The following MGAT4C variants were observed in gnomAD, a reference collection of about 807,000 sequenced individuals.
The protein encoded by MGAT4C is MGAT4 family member C, also known as alpha-1,3-mannosyl-glycoprotein 4-beta-N-acetylglucosaminyltransferase C.
A neutral mutation model predicts 40.1 loss-of-function variants in MGAT4C; 19 were observed. That is an observed-to-expected ratio of 0.47 (90% CI 0.33 to 0.70). The LOEUF is 0.70. Among genes scored for constraint, MGAT4C ranks in the 30% least tolerant of loss-of-function variants. MGAT4C has a pLI of 0.02. For synonymous variants in MGAT4C, 181 were observed against 187.1 expected (o/e 0.97, Z 0.27); for missense variants, 491 against 563.2 (o/e 0.87, Z 1.30).
At chr12:86,434,018 T>C (rs956441192) in intron 3 of MGAT4C, among the ~76,000 whole-genome samples, 24 of 152,196 alleles carry the variant, frequency 1.6e-4, no homozygotes, top group African/African-American at 4.6e-4. Flanking sequence ...TGAATTTTTA[T>C]TGGCAACTTA....
At chr12:86,177,350 C>T (rs531603347) in intron 1 of MGAT4C, among the ~76,000 whole-genome samples, 3 of 152,092 alleles carry the variant, frequency 2.0e-5, no homozygotes, top group Admixed American at 2.0e-4. Context: ...GATGTGTTTT[C>T]ACTATCTTTA....
intron 2 of MGAT4C, among the ~76,000 whole-genome samples, chr12:86,581,996 T>C (rs1262201620): frequency 6.6e-6 from 1 of 151,476 alleles, no homozygotes; most frequent in Non-Finnish European, 1.5e-5. Flanking sequence ...TGGGATATTC[T>C]GGTGTAAGTA....
intron 1 of MGAT4C, among the ~76,000 whole-genome samples, chr12:86,067,418 G>A (rs1016089731): frequency 6.6e-6 from 1 of 152,092 alleles, no homozygotes; most frequent in Non-Finnish European, 1.5e-5. Context: ...GGACATGGAT[G>A]AAGCTGGAAA....
intron 1 of MGAT4C, among the ~76,000 whole-genome samples, chr12:86,212,191 T>C (rs1041960833): frequency 1.3e-5 from 2 of 152,142 alleles, no homozygotes; most frequent in Non-Finnish European, 2.9e-5. Flanking sequence ...TTCAAATCAG[T>C]ATAGGTTTTT....
At chr12:86,633,843 A>G (rs1216772762) in intron 2 of MGAT4C, among the ~76,000 whole-genome samples, 3 of 152,042 alleles carry the variant, frequency 2.0e-5, no homozygotes, top group Non-Finnish European at 4.4e-5. Flanking sequence ...ATGAAATGAG[A>G]TTCTTAGATC....
At chr12:86,486,189 A>T (rs547290949) in intron 2 of MGAT4C, among the ~76,000 whole-genome samples, 1 of 152,192 alleles carries the variant, frequency 6.6e-6, no homozygotes, top group Admixed American at 6.5e-5. Flanking sequence ...ACATGATGAC[A>T]GGATTGAAAT....
At chr12:86,165,314 A>G (rs1449046475) in intron 1 of MGAT4C, among the ~76,000 whole-genome samples, 1 of 152,128 alleles carries the variant, frequency 6.6e-6, no homozygotes, top group Admixed American at 6.5e-5. Context: ...TAAAAATTAA[A>G]CATTCCACAC....
At chr12:86,169,798 T>C (rs1003577115) in intron 1 of MGAT4C, among the ~76,000 whole-genome samples, 1 of 152,058 alleles carries the variant, frequency 6.6e-6, no homozygotes, top group African/African-American at 2.4e-5. Flanking sequence ...TATATTTCAC[T>C]CTCAAAAACT....
chr12:86,132,041 T>C (rs1244976363), intron 1 of MGAT4C, among the ~76,000 whole-genome samples: 1 of 152,118 alleles, frequency 6.6e-6, no homozygotes, highest in Non-Finnish European at 1.5e-5. Flanking sequence ...TGGTAAGAAT[T>C]TAGTCTCTCT....
At chr12:86,321,509 A>G (rs1954386536) in intron 4 of MGAT4C, among the ~76,000 whole-genome samples, 1 of 152,196 alleles carries the variant, frequency 6.6e-6, no homozygotes, top group African/African-American at 2.4e-5. Context: ...TTTAATTTTA[A>G]GAGCTAATGA....
chr12:86,778,701 T>C (rs896980519), intron 1 of MGAT4C, among the ~76,000 whole-genome samples: 5 of 152,174 alleles, frequency 3.3e-5, no homozygotes, highest in Non-Finnish European at 2.9e-5. Context: ...CATGTAACAT[T>C]GATTTTTATG....
chr12:86,270,432 C>CCAGCCCCTAG (rs756090676), intron 4 of MGAT4C, among the ~76,000 whole-genome samples: 2 of 152,174 alleles, frequency 1.3e-5, no homozygotes, highest in Non-Finnish European at 2.9e-5. Flanking sequence ...CTTTCTCCTT[C>CCAGCCCCTAG]CAGCCCCTAG....
rs75937721 is a variant in MGAT4C at position 86,198,384 on chromosome 12, T to C, written c.-57+57855A>G. Among the ~76,000 whole-genome samples, 137 of 152,314 alleles carry C rather than the reference T, an allele frequency of 9.0e-4. 1 individual carries two copies. The East Asian group carries it at 0.026, about 29-fold the overall frequency. On this transcript the variant is annotated intron_variant, in intron 1 of 4. Transcript: ENST00000611864. ...TTTTCCACAATCTAATTTTTTTGAC[T>C]AATCTGTTTGACTTTCTGACATTAC...
In MGAT4C at chr12:85,963,058, T is replaced by C. The variant is rs991735807; in HGVS notation, c.*16231A>G. On this transcript the variant is annotated 3_prime_UTR_variant, in exon 5 of 5. Coordinates refer to ENST00000611864, the MANE Select transcript of MGAT4C (RefSeq NM_001351288.2). Reference sequence around the variant, plus strand: ...TAAACAATAAATTCACTTAAACAACTATTTACATGCAAAAGTAATATTTTT... The same window carrying C: ...TAAACAATAAATTCACTTAAACAACCATTTACATGCAAAAGTAATATTTTT... The C allele has an allele frequency of 6.6e-6, 1 of 151,952 alleles. No individual in the cohort carries two copies. The highest frequency in any genetic ancestry group is 2.4e-5 in the African/African-American group (1 of 41,454). 9.4% of individuals were successfully genotyped at this position (151,952 alleles called of 1,614,324 possible).
chr12:86,245,889 T>C (rs1392677926), intron 1 of MGAT4C, among the ~76,000 whole-genome samples: 3 of 152,204 alleles, frequency 2.0e-5, no homozygotes, highest in African/African-American at 4.8e-5. Flanking sequence ...ATAATCATCA[T>C]AGAGCTACCA....
At chr12:86,109,723 T>A (rs1466021919) in intron 1 of MGAT4C, among the ~76,000 whole-genome samples, 2 of 152,040 alleles carry the variant, frequency 1.3e-5, no homozygotes, top group Non-Finnish European at 2.9e-5. Flanking sequence ...GTCTACCATG[T>A]GGCTAGTCAC....
At chr12:85,989,294 A>T (rs1373171405) in intron 3 of MGAT4C, 106 bp downstream of exon 3, 1 of 1,121,888 alleles carries the variant, frequency 8.9e-7, no homozygotes, top group Non-Finnish European at 1.2e-6. Flanking sequence ...TGCTCAAACT[A>T]AGTCTTCTCC....
chr12:86,263,005 A>G (rs1217731569), intron 4 of MGAT4C, among the ~76,000 whole-genome samples: 4 of 152,026 alleles, frequency 2.6e-5, no homozygotes, highest in Admixed American at 2.6e-4. Flanking sequence ...CTATTAAAAG[A>G]GTGATTTTTA....
At position 86,408,475 on chromosome 12, in the gene MGAT4C, CTCTCTATATATA is replaced by C. The variant is rs1246726479; in HGVS notation, c.-120+26670_-120+26681del. 6.5e-4 allele frequency among the ~76,000 whole-genome samples: 68 copies of C among 104,376 alleles called. 1 individual carries two copies. In the East Asian group the frequency reaches 0.013, roughly 20 times the overall value. The allele number at this position is 104,376 out of a possible 152,430, so 68.5% of individuals were successfully genotyped here. Reference sequence around the variant, plus strand: ...TCTCTCTCTCTCTCTCTCTCTCTCTCTCTCTATATATATATATATATATATATATATATATAT... The same window carrying C: ...TCTCTCTCTCTCTCTCTCTCTCTCTCTATATATATATATATATATATATAT... On this transcript the variant is annotated intron_variant, in intron 3 of 7. Transcript: ENST00000548651.
Sources: allele counts gnomAD v4.1 joint callset (sites outside exome capture counted in the v4.1 genomes callset), GRCh38; gene constraint gnomAD v4.1.1; transcripts MANE v1.5; gene names NCBI Gene and HGNC (gene_info 2026-07-23, HGNC 2026-07-21).